The following WDR7 variants were observed in gnomAD, a reference collection of about 807,000 sequenced individuals.
WDR7 encodes WD repeat-containing protein 7.
In WDR7, 46 loss-of-function variants were observed where a neutral mutation model predicts 169.4. That is an observed-to-expected ratio of 0.27 (90% CI 0.21 to 0.35). The LOEUF (loss-of-function observed/expected upper bound fraction) is 0.35, where lower values mean the gene tolerates loss of function less well. Ranked by LOEUF, WDR7 falls within the 10% of genes least tolerant of loss-of-function variation. WDR7 has a pLI of 1.00. For synonymous variants in WDR7, 612 were observed against 666.8 expected (o/e 0.92, Z 1.27); for missense variants, 1,534 against 1,859.3 (o/e 0.83, Z 3.22).
chr18:56,772,711 A>G (rs1258916405), intron 16 of WDR7, among the ~76,000 whole-genome samples: 1 of 151,048 alleles, frequency 6.6e-6, no homozygotes, highest in Non-Finnish European at 1.5e-5. Context: ...ATACCTATAT[A>G]ATAGAAAAAT....
chr18:56,702,991 A>G (rs750469776), intron 12 of WDR7, among the ~76,000 whole-genome samples: 3 of 152,256 alleles, frequency 2.0e-5, no homozygotes, highest in Admixed American at 6.5e-5. Flanking sequence ...ATGTTTCTAC[A>G]TGTAAGCATA....
intron 26 of WDR7, among the ~76,000 whole-genome samples, chr18:56,991,772 C>T (rs1328830017): frequency 6.6e-6 from 1 of 152,188 alleles, no homozygotes; most frequent in African/African-American, 2.4e-5. Flanking sequence ...ATTGTGAATA[C>T]TAATACCCTG....
At chr18:56,733,758 G>C (rs1353365750) in intron 14 of WDR7, among the ~76,000 whole-genome samples, 1 of 152,056 alleles carries the variant, frequency 6.6e-6, no homozygotes, top group African/African-American at 2.4e-5. Flanking sequence ...TTGTAAGATT[G>C]TGTATATTTG....
intron 26 of WDR7, among the ~76,000 whole-genome samples, chr18:56,970,640 A>C (rs1217151669): frequency 6.6e-6 from 1 of 152,102 alleles, no homozygotes; most frequent in African/African-American, 2.4e-5. Flanking sequence ...CGCGAGTGGG[A>C]TATTTGTTAC....
intron 20 of WDR7, among the ~76,000 whole-genome samples, chr18:56,844,141 A>T (rs1416891032): frequency 6.6e-6 from 1 of 151,214 alleles, no homozygotes; most frequent in Non-Finnish European, 1.5e-5. Flanking sequence ...GATTACAGGC[A>T]TGAGCCACCA....
rs184921277 is a variant in WDR7 at position 56,938,502 on chromosome 18, A to G, written c.3832-31A>G. The G allele has an allele frequency of 9.3e-6, 15 of 1,606,944 alleles. No individual in the cohort carries two copies. The East Asian group carries it at 3.4e-4, about 36-fold the overall frequency. On this transcript the variant is annotated intron_variant, in intron 23 of 27. Transcript: ENST00000254442. Reference sequence around the variant, plus strand: ...GAAATGTAAAACTATATCAGTGTCAATCATATCTACAGCATAGAAATGTTT... The same window carrying G: ...GAAATGTAAAACTATATCAGTGTCAGTCATATCTACAGCATAGAAATGTTT...
chr18:56,907,654 A>C (rs1391099162), intron 21 of WDR7, among the ~76,000 whole-genome samples: 1 of 152,218 alleles, frequency 6.6e-6, no homozygotes. Flanking sequence ...ATTAAAAAAC[A>C]GAAATGTATT....
At chr18:56,823,519 G>A (rs2045139302) in intron 20 of WDR7, among the ~76,000 whole-genome samples, 1 of 152,156 alleles carries the variant, frequency 6.6e-6, no homozygotes, top group African/African-American at 2.4e-5. Context: ...CCAGGAGGCG[G>A]AGGTTGCAGT....
Position 56,757,191 on chromosome 18 carries a change from A to G in WDR7, c.2598A>G (p.Gly866=). 6.2e-7 allele frequency: 1 copy of G among 1,614,032 alleles called. No individual in the cohort carries two copies. Among genetic ancestry groups the G allele is most frequent in the Non-Finnish European group, 8.5e-7 (1 of 1,179,990 alleles). ...CKLSHGKTEV[G]RKLPASEGVG... The stretch of plus-strand genomic sequence containing the variant: ...TGTCACATGGGAAAACAGAAGTAGG[A>G]AGGAAGCTGCCAGCGTCTGAGGGAG... The change falls in exon 15 of 28, where the codon GGA becomes GGG. Residue 866 remains glycine (G), a synonymous_variant. Coordinates refer to ENST00000254442, the MANE Select transcript of WDR7 (RefSeq NM_015285.3).
intron 21 of WDR7, among the ~76,000 whole-genome samples, chr18:56,915,964 C>T (rs951668127): frequency 3.3e-5 from 5 of 152,138 alleles, no homozygotes; most frequent in East Asian, 1.9e-4. Context: ...CTCCGTCAGC[C>T]TCCTCAGTAA....
chr18:56,654,232 A>G (rs534973312), intron 1 of WDR7, among the ~76,000 whole-genome samples: 1 of 152,186 alleles, frequency 6.6e-6, no homozygotes, highest in South Asian at 2.1e-4. Context: ...CCCAGGTTCA[A>G]GCGATTCTCC....
chr18:57,032,799 T>TTTTATA (rs1387031114), downstream of WDR7: 1 of 85,488 alleles, frequency 1.2e-5, no homozygotes. Flanking sequence ...TGTATAATTA[T>TTTTATA]TTTATATATA....
chr18:56,815,783 G>C (rs1473185754), intron 19 of WDR7, among the ~76,000 whole-genome samples: 2 of 152,104 alleles, frequency 1.3e-5, no homozygotes, highest in African/African-American at 4.8e-5. Flanking sequence ...TCAGCATCCT[G>C]TTTCTGTTTT....
intron 26 of WDR7, among the ~76,000 whole-genome samples, chr18:57,001,293 C>T (rs1163570442): frequency 6.6e-6 from 1 of 152,016 alleles, no homozygotes; most frequent in Non-Finnish European, 1.5e-5. Context: ...AGCAGATTTA[C>T]AGGAAAGGCA....
At position 57,014,842 on chromosome 18, in the gene WDR7, T is replaced by G. The variant is rs148878808; in HGVS notation, c.4165-5903T>G. Among the ~76,000 whole-genome samples, 1,248 of 151,188 alleles carry G rather than the reference T, an allele frequency of 8.3e-3. 16 individuals are homozygous for G. The highest frequency in any genetic ancestry group is 0.029 in the African/African-American group (1,187 of 40,702). ...ACCTGAAAGGAAAGGTTATAGTCAC[T>G]GGGATTTTTTTTTTTTAATCCTGAA... is the stretch of plus-strand genomic sequence containing the variant. On this transcript the variant is annotated intron_variant, in intron 26 of 27. Transcript: ENST00000254442.
At chr18:57,031,604 A>T (rs1372249317), downstream of WDR7, 1 of 152,212 alleles carries the variant, frequency 6.6e-6, no homozygotes, top group African/African-American at 2.4e-5. Context: ...TATAGCTTCT[A>T]TTTATATACC....
In WDR7 at chr18:56,962,427, C is replaced by G; in HGVS notation, c.4065-3C>G. The G allele has an allele frequency of 6.2e-7, 1 of 1,612,506 alleles. No individual in the cohort carries two copies. Among genetic ancestry groups the G allele is most frequent in the South Asian group, 1.1e-5 (1 of 91,002 alleles). On this transcript the variant is annotated splice_polypyrimidine_tract_variant and splice_region_variant and intron_variant, in intron 25 of 27. Transcript: ENST00000254442. ...GTTTTTGTTGTTAAAATGTTCAACT[C>G]AGGTTCTACATGGTCAGCTATTATG...
In WDR7 at chr18:56,756,985, G is replaced by T. The variant is rs750168794; in HGVS notation, c.2392G>T (p.Asp798Tyr). ...CCTATTAGAATATAATTTAACTATG[G>T]ACACTGCAAAGCTGTTTATGTCCTG... ...LTLLEYNLTMDTAKLFMSCLH... is the reference protein window; with the variant it reads ...LTLLEYNLTMYTAKLFMSCLH... Residue 798 changes from aspartate (D) to tyrosine (Y), a missense_variant, in exon 15 of 28, where the codon GAC becomes TAC. Physicochemically the swap from Asp to Tyr is radical, Grantham distance 160. Transcript: ENST00000254442. 1.2e-6 allele frequency: 2 copies of T among 1,614,110 alleles called. No homozygotes were observed. Among genetic ancestry groups the T allele is most frequent in the Non-Finnish European group, 1.7e-6 (2 of 1,180,024 alleles).
intron 21 of WDR7, among the ~76,000 whole-genome samples, chr18:56,882,072 C>T (rs1179900266): frequency 1.3e-5 from 2 of 152,154 alleles, no homozygotes; most frequent in Non-Finnish European, 2.9e-5. Flanking sequence ...CCCTCTACGG[C>T]CAACAACTAC....
Sources: gnomAD v4.1 joint callset for allele counts (sites outside exome capture counted in the v4.1 genomes callset) on GRCh38, gnomAD v4.1.1 for gene constraint, MANE v1.5 for transcripts, NCBI Gene and HGNC (gene_info 2026-07-23, HGNC 2026-07-21) for gene names.